BEND6: variants seen among roughly 807,000 people sequenced by gnomAD.
BEND6 encodes BEN domain-containing protein 6.
Under a neutral mutation model 31.8 loss-of-function variants are expected in BEND6, and 24 were observed. The observed-to-expected ratio is 0.75, with a 90% CI of 0.55 to 1.06. The LOEUF (loss-of-function observed/expected upper bound fraction) is 1.06. Ranked by LOEUF, BEND6 falls within the 50% of genes least tolerant of loss-of-function variation. BEND6 has a pLI of 0.00. For missense variants in BEND6, 294 were observed against 327.4 expected (o/e 0.90, Z 0.79); for synonymous variants, 109 against 114.6 (o/e 0.95, Z 0.31).
At position 56,992,510 on chromosome 6, in the gene BEND6, C is replaced by T. The variant is rs762196915; in HGVS notation, c.253C>T (p.Arg85Trp). 41 of 1,613,702 alleles carry T rather than the reference C, an allele frequency of 2.5e-5. No homozygotes were observed. Among genetic ancestry groups the T allele is most frequent in the South Asian group, 5.5e-5 (5 of 91,030 alleles). ...KSLKEKLTNT[R>W]KENSRLRQSL... Reference sequence around the variant, plus strand: ...CCTGAAAGAAAAACTAACAAACACCCGGAAAGAAAACAGCCGACTTCGACA... The same window carrying T: ...CCTGAAAGAAAAACTAACAAACACCTGGAAAGAAAACAGCCGACTTCGACA... Residue 85 changes from arginine to tryptophan, a missense_variant, in exon 3 of 7, where the codon CGG (arginine) becomes TGG (tryptophan). Coordinates refer to ENST00000370746, the MANE Select transcript of BEND6 (RefSeq NM_152731.3).
At chr6:56,959,374 G>A (rs936188871) in intron 1 of BEND6, among the ~76,000 whole-genome samples, 2 of 152,158 alleles carry the variant, frequency 1.3e-5, no homozygotes, top group Admixed American at 1.3e-4. Flanking sequence ...CAATTTATCT[G>A]GAAGTGAGTA....
chr6:57,015,788 G>A (rs1410851413), intron 4 of BEND6, among the ~76,000 whole-genome samples: 1 of 150,118 alleles, frequency 6.7e-6, no homozygotes. Context: ...TCCAGCCTGG[G>A]CGACAGAGCG....
intron 1 of BEND6, chr6:56,976,059 T>C: frequency 2.6e-6 from 1 of 383,438 alleles, no homozygotes; most frequent in Non-Finnish European, 5.2e-6. Flanking sequence ...ATACAAAGTC[T>C]CCATGTTGGT....
intron 1 of BEND6, among the ~76,000 whole-genome samples, 175 bp from the exon 2 acceptor site, chr6:56,981,536 A>G (rs9396247): frequency 0.95 from 144,803 of 152,240 alleles, 69,251 homozygotes; most frequent in Non-Finnish European, 1. Context: ...GAAATTATTT[A>G]TGATGCTGAT....
intron 2 of BEND6, among the ~76,000 whole-genome samples, chr6:56,984,868 G>A (rs1291718428): frequency 1.3e-5 from 2 of 152,202 alleles, no homozygotes; most frequent in Non-Finnish European, 2.9e-5. Context: ...AAAAGCTCTC[G>A]AGAAAGCCTT....
intron 1 of BEND6, among the ~76,000 whole-genome samples, chr6:56,980,724 A>C (rs1317604695): frequency 6.6e-6 from 1 of 152,206 alleles, no homozygotes; most frequent in Non-Finnish European, 1.5e-5. Context: ...AAATAGGCAA[A>C]GAATTATATT....
chr6:56,979,171 G>A (rs111997346), intron 1 of BEND6, among the ~76,000 whole-genome samples: 7 of 152,240 alleles, frequency 4.6e-5, no homozygotes, highest in African/African-American at 1.2e-4. Flanking sequence ...AATTTGAGGC[G>A]CTTCCACCTA....
chr6:56,972,981 G>T (rs989456723), intron 1 of BEND6, among the ~76,000 whole-genome samples: 1 of 152,160 alleles, frequency 6.6e-6, no homozygotes, highest in African/African-American at 2.4e-5. Context: ...CTTCTGTGGA[G>T]CATTGATCTA....
At chr6:57,024,046 T>C (rs1827831029) in intron 6 of BEND6, among the ~76,000 whole-genome samples, 1 of 152,216 alleles carries the variant, frequency 6.6e-6, no homozygotes, top group South Asian at 2.1e-4. Context: ...TGACGATTTT[T>C]ATTACAAAGA....
chr6:57,021,589 A>C (rs945993630), intron 6 of BEND6, among the ~76,000 whole-genome samples: 3 of 152,086 alleles, frequency 2.0e-5, no homozygotes, highest in African/African-American at 4.8e-5. Flanking sequence ...TGTAGCTCTC[A>C]CATGCAAGAG....
intron 3 of BEND6, among the ~76,000 whole-genome samples, chr6:56,995,110 T>C (rs1826655519): frequency 6.6e-6 from 1 of 152,120 alleles, no homozygotes; most frequent in Non-Finnish European, 1.5e-5. Flanking sequence ...ATCCCCTTTT[T>C]TGTAATCAGT....
chr6:56,985,509 A>G (rs1826227370), intron 2 of BEND6, among the ~76,000 whole-genome samples: 1 of 152,108 alleles, frequency 6.6e-6, no homozygotes, highest in African/African-American at 2.4e-5. Context: ...CTAATAGAAG[A>G]AGGAGAATAC....
At chr6:56,966,962 T>C (rs1217375509) in intron 1 of BEND6, among the ~76,000 whole-genome samples, 1 of 152,152 alleles carries the variant, frequency 6.6e-6, no homozygotes, top group Non-Finnish European at 1.5e-5. Flanking sequence ...AGTGGTAGGA[T>C]GGATCATGTC....
At chr6:57,015,375 ATTG>A in intron 4 of BEND6, 22 bp downstream of exon 4, 1 of 1,579,312 alleles carries the variant, frequency 6.3e-7, no homozygotes, top group South Asian at 1.1e-5. Context: ...TACCCGCCTT[ATTG>A]TTCTTTGGAA....
At chr6:56,985,734 T>C (rs900423694) in intron 2 of BEND6, among the ~76,000 whole-genome samples, 1 of 152,222 alleles carries the variant, frequency 6.6e-6, no homozygotes, top group African/African-American at 2.4e-5. Context: ...TGGAGATAGC[T>C]AGCAGTCTCT....
chr6:57,022,516 G>A lies in BEND6; in HGVS notation c.*10-3566G>A, dbSNP rs531965992. Among the ~76,000 whole-genome samples the A allele has an allele frequency of 1.6e-4, 25 of 151,726 alleles. No homozygotes were observed. The South Asian group carries it at 3.1e-3, about 19-fold the overall frequency. On this transcript the variant is annotated intron_variant, in intron 6 of 6. Transcript: ENST00000370746. Reference sequence around the variant, plus strand: ...ATTTTATTTATTTGGCCTTCTCTTTGTTATTTCTTAGTCTGGCTAATGGTT... The same window carrying A: ...ATTTTATTTATTTGGCCTTCTCTTTATTATTTCTTAGTCTGGCTAATGGTT...
At chr6:56,967,764 C>A (rs1340586193) in intron 1 of BEND6, among the ~76,000 whole-genome samples, 1 of 152,298 alleles carries the variant, frequency 6.6e-6, no homozygotes, top group Non-Finnish European at 1.5e-5. Flanking sequence ...AAGCAAAAAT[C>A]TCATTATTGG....
At chr6:56,964,605 A>G (rs1276793601) in intron 1 of BEND6, among the ~76,000 whole-genome samples, 1 of 152,048 alleles carries the variant, frequency 6.6e-6, no homozygotes, top group Non-Finnish European at 1.5e-5. Flanking sequence ...AGGCTCAAGC[A>G]ATCCTCCTGG....
At chr6:57,010,585 TG>T (rs1827310897) in intron 3 of BEND6, 1 of 637,018 alleles carries the variant, frequency 1.6e-6, no homozygotes, top group Non-Finnish European at 2.0e-6. Context: ...TCAAATAATT[TG>T]GGGGATAAAG....
Sources: allele counts gnomAD v4.1 joint callset (sites outside exome capture counted in the v4.1 genomes callset), GRCh38; gene constraint gnomAD v4.1.1; transcripts MANE v1.5; gene names NCBI Gene and HGNC (gene_info 2026-07-23, HGNC 2026-07-21).